FOXN2: variants seen among roughly 807,000 people sequenced by gnomAD.
FOXN2 encodes forkhead box protein N2.
Under a neutral mutation model 41.2 loss-of-function variants are expected in FOXN2, and 19 were observed. That is an observed-to-expected ratio of 0.46 (90% confidence interval 0.32 to 0.68). FOXN2 has a LOEUF of 0.68. Ranked by LOEUF, FOXN2 falls within the 30% of genes least tolerant of loss-of-function variation. The pLI, the probability that FOXN2 is intolerant of heterozygous loss-of-function variation, is 0.03. For synonymous variants in FOXN2, 195 were observed against 176.8 expected, an observed-to-expected ratio of 1.10 and a Z score of -0.82; for missense variants, 587 against 509.4, an observed-to-expected ratio of 1.15 and a Z score of -1.47.
chr2:48,357,925 G>T, intron 3 of FOXN2, among the ~76,000 whole-genome samples: 1 of 145,938 alleles, frequency 6.9e-6, no homozygotes, highest in Non-Finnish European at 1.5e-5. Flanking sequence ...GTGATATCTT[G>T]CTGCTAAACA....
At chr2:48,318,948 A>G (rs1669109837) in intron 1 of FOXN2, among the ~76,000 whole-genome samples, 1 of 152,252 alleles carries the variant, frequency 6.6e-6, no homozygotes, top group Admixed American at 6.5e-5. Context: ...TGTACCATAA[A>G]AATAGCCATC....
intron 3 of FOXN2, among the ~76,000 whole-genome samples, chr2:48,349,954 C>T (rs1671349538): frequency 6.6e-6 from 1 of 152,144 alleles, no homozygotes; most frequent in Admixed American, 6.5e-5. Context: ...CCTGACATTC[C>T]CAGAAGAAGA....
At chr2:48,342,703 C>T (rs1034665543) in intron 2 of FOXN2, among the ~76,000 whole-genome samples, 1 of 152,088 alleles carries the variant, frequency 6.6e-6, no homozygotes, top group African/African-American at 2.4e-5. Flanking sequence ...GGTCATAGCA[C>T]CCTGAACATG....
chr2:48,378,124 C>T lies in FOXN2; in HGVS notation c.*2681C>T, dbSNP rs1021886148. 1 of 152,364 alleles carries T rather than the reference C, an allele frequency of 6.6e-6. No homozygotes were observed. Among genetic ancestry groups the T allele is most frequent in the African/African-American group, 2.4e-5 (1 of 41,406 alleles). The allele number at this position is 152,364 out of a possible 1,614,324, so 9.4% of individuals were successfully genotyped here. On this transcript the variant is annotated 3_prime_UTR_variant, in exon 7 of 7. Transcript: ENST00000340553. The stretch of plus-strand genomic sequence containing the variant: ...AGATCCCTAGTAAAAAGCTTTGATT[C>T]AACACAATTGTTCATCTTCACATCC...
chr2:48,375,619 G>GC lies in FOXN2; in HGVS notation c.*178dup. On this transcript the variant is annotated 3_prime_UTR_variant, in exon 7 of 7. Transcript: ENST00000340553. ...ATTAAACAATTGCTGTTAGGATCAT[G>GC]CCTGATCAGAAATACATGATGTGAA... The GC allele has an allele frequency of 1.7e-6, 1 of 594,362 alleles. No individual in the cohort carries two copies. The highest frequency in any genetic ancestry group is 2.9e-6 in the Non-Finnish European group (1 of 347,398). 36.8% of individuals were successfully genotyped at this position (594,362 alleles called of 1,614,324 possible). A position where few individuals can be genotyped will look rare whatever the true frequency, so the allele number is the denominator to read the frequency against.
intron 2 of FOXN2, among the ~76,000 whole-genome samples, chr2:48,334,199 C>G (rs1272615710): frequency 6.6e-6 from 1 of 152,124 alleles, no homozygotes; most frequent in South Asian, 2.1e-4. Flanking sequence ...TTAAAAATAT[C>G]TCTCACTTTT....
chr2:48,339,874 TAA>T (rs1454878381), intron 2 of FOXN2, among the ~76,000 whole-genome samples: 1 of 152,150 alleles, frequency 6.6e-6, no homozygotes, highest in Non-Finnish European at 1.5e-5. Context: ...CATAAACAAT[TAA>T]ATGTTCCTTA....
At chr2:48,325,289 G>C (rs540183684) in intron 1 of FOXN2, among the ~76,000 whole-genome samples, 4 of 152,066 alleles carry the variant, frequency 2.6e-5, no homozygotes, top group Non-Finnish European at 5.9e-5. Context: ...TACTTGATAG[G>C]GTTGTTATGA....
At chr2:48,321,466 G>A (rs1378649285) in intron 1 of FOXN2, among the ~76,000 whole-genome samples, 1 of 152,126 alleles carries the variant, frequency 6.6e-6, no homozygotes, top group African/African-American at 2.4e-5. Flanking sequence ...AACCCGGGAG[G>A]CAGAGCTTGC....
chr2:48,322,854 C>T (rs955404139), intron 1 of FOXN2, among the ~76,000 whole-genome samples: 8 of 149,544 alleles, frequency 5.3e-5, no homozygotes, highest in African/African-American at 1.9e-4. Context: ...TCTCTTTGAG[C>T]ATCTCTTTCA....
At chr2:48,331,063 G>GT in intron 2 of FOXN2, among the ~76,000 whole-genome samples, 3 of 152,264 alleles carry the variant, frequency 2.0e-5, no homozygotes, top group Admixed American at 2.0e-4. Context: ...ATGTAGTAAA[G>GT]CTTATTAGAA....
At chr2:48,329,944 A>G (rs1186693258) in intron 2 of FOXN2, among the ~76,000 whole-genome samples, 1 of 152,122 alleles carries the variant, frequency 6.6e-6, no homozygotes, top group Non-Finnish European at 1.5e-5. Context: ...TGCATTGCAA[A>G]TAATGTGTGT....
At chr2:48,331,276 G>A (rs1670003839) in intron 2 of FOXN2, among the ~76,000 whole-genome samples, 2 of 152,038 alleles carry the variant, frequency 1.3e-5, no homozygotes, top group Admixed American at 6.5e-5. Flanking sequence ...CAATATAATG[G>A]ATGAAATATA....
At chr2:48,369,611 A>T (rs1181245502) in intron 5 of FOXN2, among the ~76,000 whole-genome samples, 1 of 152,224 alleles carries the variant, frequency 6.6e-6, no homozygotes, top group Non-Finnish European at 1.5e-5. Context: ...CATTTATAAG[A>T]TAAAGTTTCT....
chr2:48,331,198 AT>A (rs1190246799), intron 2 of FOXN2, among the ~76,000 whole-genome samples: 8 of 152,290 alleles, frequency 5.3e-5, no homozygotes, highest in African/African-American at 1.9e-4. Flanking sequence ...AGAATTGACT[AT>A]TGTATTTTGT....
upstream of FOXN2, among the ~76,000 whole-genome samples, chr2:48,314,371 C>T (rs1338299408): frequency 6.6e-6 from 1 of 152,260 alleles, no homozygotes; most frequent in East Asian, 1.9e-4. Flanking sequence ...CTGCTCAGCC[C>T]TAAACCCGCA....
chr2:48,348,863 G>A (rs753180976), intron 3 of FOXN2, among the ~76,000 whole-genome samples: 3 of 152,210 alleles, frequency 2.0e-5, no homozygotes, highest in Admixed American at 1.3e-4. Context: ...TGGGAGAGAG[G>A]TAAGATAGCT....
At chr2:48,366,797 A>G (rs1672565390) in intron 5 of FOXN2, among the ~76,000 whole-genome samples, 1 of 151,888 alleles carries the variant, frequency 6.6e-6, no homozygotes, top group African/African-American at 2.4e-5. Flanking sequence ...AAGGATTCAG[A>G]TTGAATAATT....
intron 2 of FOXN2, among the ~76,000 whole-genome samples, chr2:48,338,180 TAAAA>T (rs948095262): frequency 6.6e-6 from 1 of 152,170 alleles, no homozygotes; most frequent in Non-Finnish European, 1.5e-5. Flanking sequence ...ACATGGAAAC[TAAAA>T]AAAGTTTTCT....
Sources: allele counts gnomAD v4.1 joint callset (sites outside exome capture counted in the v4.1 genomes callset), GRCh38; gene constraint gnomAD v4.1.1; transcripts MANE v1.5; gene names NCBI Gene and HGNC (gene_info 2026-07-23, HGNC 2026-07-21).